Variants in GSE1 observed in about 807,000 individuals in gnomAD.
GSE1 encodes genetic suppressor element 1.
A neutral mutation model predicts 112.6 loss-of-function variants in GSE1; 32 were observed. That is an observed-to-expected ratio of 0.28 (90% confidence interval 0.21 to 0.38). The LOEUF (loss-of-function observed/expected upper bound fraction) is 0.38. Among genes scored for constraint, GSE1 ranks in the 10% least tolerant of loss-of-function variants. GSE1 has a pLI of 1.00. For synonymous variants in GSE1, 1,115 were observed against 735.6 expected, an observed-to-expected ratio of 1.52 and a Z score of -8.35; for missense variants, 2,348 against 1,699.2, an observed-to-expected ratio of 1.38 and a Z score of -6.71.
At chr16:85,420,974 G>C (rs1027656933) in intron 2 of GSE1, among the ~76,000 whole-genome samples, 1 of 152,214 alleles carries the variant, frequency 6.6e-6, no homozygotes, top group African/African-American at 2.4e-5. Context: ...CGTCTGCGCC[G>C]CCACCGCCTG....
chr16:85,186,184 A>G (rs1053721773), intron 1 of GSE1, among the ~76,000 whole-genome samples: 3 of 152,228 alleles, frequency 2.0e-5, no homozygotes, highest in African/African-American at 7.2e-5. Context: ...TTAACATGTA[A>G]AACAGGTTGG....
At chr16:85,546,442 G>A (rs2044704680) in intron 2 of GSE1, among the ~76,000 whole-genome samples, 1 of 152,142 alleles carries the variant, frequency 6.6e-6, no homozygotes, top group South Asian at 2.1e-4. Context: ...ACCTCTCAGG[G>A]GTGCATTATA....
intron 1 of GSE1, among the ~76,000 whole-genome samples, chr16:85,315,669 C>T (rs2045970435): frequency 1.3e-5 from 2 of 152,152 alleles, no homozygotes; most frequent in Non-Finnish European, 2.9e-5. Flanking sequence ...GAGTACGCAC[C>T]GGTTCCATTT....
chr16:85,178,272 G>T (rs1403076116), intron 1 of GSE1, among the ~76,000 whole-genome samples: 1 of 152,160 alleles, frequency 6.6e-6, no homozygotes, highest in Admixed American at 6.5e-5. Flanking sequence ...GTCCGTGTAG[G>T]GGCCATGTGC....
At chr16:85,387,405 C>T (rs1170927485) in intron 2 of GSE1, among the ~76,000 whole-genome samples, 2 of 152,238 alleles carry the variant, frequency 1.3e-5, no homozygotes, top group Non-Finnish European at 2.9e-5. Context: ...CGTTGTGGCT[C>T]CTGCTCTGTG....
Position 85,666,038 on chromosome 16 carries a change from T to C in GSE1, c.2821T>C (p.Ser941Pro). The C allele has an allele frequency of 6.2e-7, 1 of 1,613,692 alleles. No homozygotes were observed. Among genetic ancestry groups the C allele is most frequent in the Non-Finnish European group, 8.5e-7 (1 of 1,180,012 alleles). Reference sequence around the variant, plus strand: ...GCCGGTTGGTGTTGCTGCTTCCTTGTCTGACATCCCAAAGGCCGCGGAGCC... The same window carrying C: ...GCCGGTTGGTGTTGCTGCTTCCTTGCCTGACATCCCAAAGGCCGCGGAGCC... ...EKPVGVAASL[S>P]DIPKAAEPGK... Residue 941 changes from serine to proline, a missense_variant, in exon 13 of 16, where the codon TCT becomes CCT. Physicochemically the swap from Ser to Pro is moderately conservative, Grantham distance 74. Coordinates refer to ENST00000253458, the MANE Select transcript of GSE1 (RefSeq NM_014615.5).
chr16:85,173,322 T>G (rs561578064), intron 1 of GSE1, among the ~76,000 whole-genome samples: 142 of 152,364 alleles, frequency 9.3e-4, no homozygotes, highest in African/African-American at 3.4e-3. Flanking sequence ...TTTCTCTTGC[T>G]AAGTACCTGT....
intron 7 of GSE1, 43 bp from the exon 8 acceptor site, chr16:85,657,234 C>A: frequency 7.4e-7 from 1 of 1,349,968 alleles, no homozygotes; most frequent in Non-Finnish European, 1.0e-6. Context: ...AGCATGCTGG[C>A]CCACGTGGCT....
chr16:85,491,677 G>A (rs1205583522), intron 2 of GSE1, among the ~76,000 whole-genome samples: 1 of 152,088 alleles, frequency 6.6e-6, no homozygotes, highest in Non-Finnish European at 1.5e-5. Context: ...GAGAAAAGTG[G>A]CCGAGCCTGG....
chr16:85,588,167 A>G (rs966107401), intron 1 of GSE1, among the ~76,000 whole-genome samples: 58 of 152,212 alleles, frequency 3.8e-4, no homozygotes, highest in African/African-American at 1.4e-3. Context: ...GGCCTCTTGC[A>G]TCTCGCTCGA....
At chr16:85,301,576 T>C (rs1390077907) in intron 1 of GSE1, among the ~76,000 whole-genome samples, 2 of 152,252 alleles carry the variant, frequency 1.3e-5, no homozygotes, top group Non-Finnish European at 2.9e-5. Context: ...CTGGGGCCAG[T>C]GTGGGACTTC....
At chr16:85,664,776 C>T (rs544038639) in intron 11 of GSE1, 55 of 469,712 alleles carry the variant, frequency 1.2e-4, no homozygotes, top group African/African-American at 6.5e-4. Context: ...GCGTCGTCAC[C>T]GCACGGACAG....
intron 1 of GSE1, among the ~76,000 whole-genome samples, chr16:85,568,324 C>T (rs1324549384): frequency 6.6e-6 from 1 of 152,204 alleles, no homozygotes; most frequent in Non-Finnish European, 1.5e-5. Flanking sequence ...TGGGCCTCCA[C>T]AGTCATGGCG....
intron 2 of GSE1, among the ~76,000 whole-genome samples, chr16:85,447,288 C>T (rs565195687): frequency 2.0e-5 from 3 of 152,220 alleles, no homozygotes; most frequent in African/African-American, 7.2e-5. Context: ...TTTGGCTACT[C>T]TGAGGCCCCA....
chr16:85,473,100 A>C (rs1467306993), intron 2 of GSE1, among the ~76,000 whole-genome samples: 1 of 152,208 alleles, frequency 6.6e-6, no homozygotes, highest in African/African-American at 2.4e-5. Context: ...AGGACATTTG[A>C]ATGGAGATCA....
chr16:85,226,584 C>T (rs1409295479), intron 1 of GSE1, among the ~76,000 whole-genome samples: 1 of 152,020 alleles, frequency 6.6e-6, no homozygotes, highest in Non-Finnish European at 1.5e-5. Flanking sequence ...CCTTGGGCCT[C>T]GGTTTCTTCT....
chr16:85,651,808 C>T (rs1321665905), intron 3 of GSE1, among the ~76,000 whole-genome samples: 2 of 152,214 alleles, frequency 1.3e-5, no homozygotes, highest in African/African-American at 4.8e-5. Context: ...GGTGCCTGAG[C>T]AGGCGAGGCC....
intron 9 of GSE1, 39 bp from the exon 10 acceptor site, chr16:85,662,942 G>T: frequency 7.3e-7 from 1 of 1,373,246 alleles, no homozygotes; most frequent in Non-Finnish European, 1.0e-6. Context: ...GACAGATGAA[G>T]GCTCTTTGTC....
chr16:85,414,527 C>T (rs1336067179), intron 2 of GSE1, among the ~76,000 whole-genome samples: 1 of 152,244 alleles, frequency 6.6e-6, no homozygotes, highest in Non-Finnish European at 1.5e-5. Context: ...TGGGTCCCAA[C>T]ACCCACGCTC....
Sources: allele counts gnomAD v4.1 joint callset (sites outside exome capture counted in the v4.1 genomes callset), GRCh38; gene constraint gnomAD v4.1.1; transcripts MANE v1.5; gene names NCBI Gene and HGNC (gene_info 2026-07-23, HGNC 2026-07-21).